CTNNA3: variants seen among roughly 807,000 people sequenced by gnomAD.
CTNNA3 encodes the protein catenin alpha 3.
In CTNNA3, 76 loss-of-function variants were observed where a neutral mutation model predicts 95.7. The observed-to-expected ratio is 0.79, with a 90% CI of 0.66 to 0.96. The LOEUF (loss-of-function observed/expected upper bound fraction) is 0.96, where lower values mean the gene tolerates loss of function less well. Ranked by LOEUF, CTNNA3 falls within the 40% of genes least tolerant of loss-of-function variation. CTNNA3 has a pLI of 0.00. For missense variants in CTNNA3, 1,191 were observed against 1,089.8 expected (o/e 1.09, Z -1.31); for synonymous variants, 431 against 374.4 (o/e 1.15, Z -1.74).
At chr10:67,105,661 A>T (rs1364508343) in intron 7 of CTNNA3, among the ~76,000 whole-genome samples, 1 of 152,188 alleles carries the variant, frequency 6.6e-6, no homozygotes, top group South Asian at 2.1e-4. Flanking sequence ...TAAGGCAATT[A>T]TCAGAGTGGA....
chr10:66,144,899 C>T (rs1013141277), intron 13 of CTNNA3, among the ~76,000 whole-genome samples: 1 of 152,270 alleles, frequency 6.6e-6, no homozygotes, highest in East Asian at 1.9e-4. Context: ...TATCCACTCC[C>T]CTTCCACATA....
chr10:66,635,029 A>G, intron 9 of CTNNA3, among the ~76,000 whole-genome samples: 1 of 152,118 alleles, frequency 6.6e-6, no homozygotes, highest in East Asian at 1.9e-4. Context: ...TTGGAACAAT[A>G]TATAACTGTA....
chr10:67,666,676 CAT>C (rs1261683309), intron 1 of CTNNA3, among the ~76,000 whole-genome samples: 1 of 152,110 alleles, frequency 6.6e-6, no homozygotes, highest in Non-Finnish European at 1.5e-5. Flanking sequence ...CACCCAATGA[CAT>C]GTATTTTTAT....
chr10:66,375,618 T>A (rs1343666210), intron 12 of CTNNA3, among the ~76,000 whole-genome samples: 4 of 151,578 alleles, frequency 2.6e-5, no homozygotes. Flanking sequence ...TTAATCAAGC[T>A]ACAAAATGCA....
chr10:66,376,623 C>A (rs779413215), intron 12 of CTNNA3, among the ~76,000 whole-genome samples: 1 of 152,062 alleles, frequency 6.6e-6, no homozygotes, highest in Non-Finnish European at 1.5e-5. Context: ...TATGACAATA[C>A]TTTAAGGCAA....
intron 3 of CTNNA3, among the ~76,000 whole-genome samples, chr10:67,604,059 C>T (rs937318126): frequency 6.6e-6 from 1 of 152,122 alleles, no homozygotes; most frequent in African/African-American, 2.4e-5. Flanking sequence ...TTGCTGGCAG[C>T]ATTCAGTATA....
At chr10:66,420,164 T>C (rs2093179541) in intron 11 of CTNNA3, among the ~76,000 whole-genome samples, 1 of 152,140 alleles carries the variant, frequency 6.6e-6, no homozygotes, top group Non-Finnish European at 1.5e-5. Context: ...GTATATAAGA[T>C]ACTCAAACAA....
intron 7 of CTNNA3, among the ~76,000 whole-genome samples, chr10:66,942,636 CT>C (rs1848066555): frequency 1.3e-5 from 2 of 150,972 alleles, no homozygotes; most frequent in African/African-American, 4.9e-5. Flanking sequence ...CTCTCTTTCC[CT>C]TTTTTCTCCT....
rs147734854 is a variant in CTNNA3, at chr10:67,742,312, C to T, written c.-2+21122G>A. 6.0e-3 allele frequency among the ~76,000 whole-genome samples: 912 copies of T among 151,312 alleles called. 43 individuals are homozygous for T. The East Asian group carries it at 0.074, about 12-fold the overall frequency. ...TTATAACAAACTGTCTCTCAGACCA[C>T]GGTGCAATCAAACTAGAACTCAGGA... On this transcript the variant is annotated intron_variant, in intron 1 of 17. Transcript: ENST00000684154.
intron 10 of CTNNA3, among the ~76,000 whole-genome samples, chr10:66,553,562 T>C (rs1316758153): frequency 7.8e-6 from 1 of 128,334 alleles, no homozygotes; most frequent in African/African-American, 2.9e-5. Context: ...AGTCTTGCTC[T>C]GTCACCCAGG....
intron 5 of CTNNA3, among the ~76,000 whole-genome samples, chr10:67,456,459 T>C (rs1003207741): frequency 1.3e-5 from 2 of 152,110 alleles, no homozygotes; most frequent in Non-Finnish European, 2.9e-5. Context: ...AAGAAAGACT[T>C]GTGGGAAAAT....
intron 7 of CTNNA3, among the ~76,000 whole-genome samples, chr10:66,915,600 A>C (rs760411263): frequency 2.0e-5 from 3 of 151,870 alleles, no homozygotes; most frequent in Non-Finnish European, 4.4e-5. Flanking sequence ...TACTAGGTAC[A>C]TAGCTAGAAT....
chr10:66,001,148 A>G (rs918043047), intron 15 of CTNNA3, among the ~76,000 whole-genome samples: 6 of 151,922 alleles, frequency 3.9e-5, no homozygotes, highest in Admixed American at 6.6e-5. Flanking sequence ...TATATACTAC[A>G]TTGCATAGAT....
intron 7 of CTNNA3, among the ~76,000 whole-genome samples, chr10:67,116,511 T>C (rs1223508365): frequency 6.6e-6 from 1 of 151,852 alleles, no homozygotes; most frequent in Non-Finnish European, 1.5e-5. Flanking sequence ...AGAAGGGCCC[T>C]TCTCATATGT....
intron 1 of CTNNA3, among the ~76,000 whole-genome samples, chr10:67,712,130 A>G (rs1564838307): frequency 6.6e-6 from 1 of 152,202 alleles, no homozygotes; most frequent in South Asian, 2.1e-4. Context: ...ACTTGGAACC[A>G]ACCCAAATGT....
At chr10:66,706,959 C>T (rs369942634) in intron 9 of CTNNA3, among the ~76,000 whole-genome samples, 3 of 151,918 alleles carry the variant, frequency 2.0e-5, no homozygotes, top group African/African-American at 7.2e-5. Flanking sequence ...TTGCAAAACA[C>T]TATAATGTGT....
intron 3 of CTNNA3, among the ~76,000 whole-genome samples, chr10:67,558,863 G>GC (rs1842694871): frequency 6.6e-6 from 1 of 152,316 alleles, no homozygotes; most frequent in Non-Finnish European, 1.5e-5. Context: ...AGGGTCCTAC[G>GC]CCCACGGAGT....
intron 1 of CTNNA3, among the ~76,000 whole-genome samples, chr10:67,720,033 T>C (rs1042107739): frequency 6.6e-6 from 1 of 151,964 alleles, no homozygotes; most frequent in African/African-American, 2.4e-5. Flanking sequence ...CTTGTTGCAT[T>C]GATCCCTTCA....
At chr10:66,706,739 T>G (rs1490411191) in intron 9 of CTNNA3, among the ~76,000 whole-genome samples, 2 of 152,066 alleles carry the variant, frequency 1.3e-5, no homozygotes, top group East Asian at 3.9e-4. Flanking sequence ...ACATAGTTCT[T>G]CCTGCCATGC....
Sources: allele counts gnomAD v4.1 joint callset (sites outside exome capture counted in the v4.1 genomes callset), GRCh38; gene constraint gnomAD v4.1.1; transcripts MANE v1.5; gene names NCBI Gene and HGNC (gene_info 2026-07-23, HGNC 2026-07-21).